Variants in GRIK4 observed in about 807,000 individuals in gnomAD.
GRIK4 encodes the protein glutamate ionotropic receptor kainate type subunit 4.
Under a neutral mutation model 104.9 loss-of-function variants are expected in GRIK4, and 40 were observed. That is an observed-to-expected ratio of 0.38 (90% confidence interval 0.30 to 0.50). The LOEUF (loss-of-function observed/expected upper bound fraction) is 0.50. Among genes scored for constraint, GRIK4 ranks in the 20% least tolerant of loss-of-function variants. GRIK4 has a pLI of 0.93. For synonymous variants in GRIK4, 485 were observed against 524.9 expected, an observed-to-expected ratio of 0.92 and a Z score of 1.04; for missense variants, 1,047 against 1,308.1, an observed-to-expected ratio of 0.80 and a Z score of 3.08.
At chr11:120,847,463 C>G (rs1953877640) in intron 8 of GRIK4, among the ~76,000 whole-genome samples, 1 of 152,178 alleles carries the variant, frequency 6.6e-6, no homozygotes, top group Non-Finnish European at 1.5e-5. Flanking sequence ...ACTAGCCTGG[C>G]AGGTTCATCA....
At position 120,947,532 on chromosome 11, in the gene GRIK4, C is replaced by A. The variant is rs568092309; in HGVS notation, c.1591-5323C>A. On this transcript the variant is annotated intron_variant, in intron 14 of 20. Transcript: ENST00000527524. The stretch of plus-strand genomic sequence containing the variant: ...AAAGACTGTCTAGGAAAATGGAGAA[C>A]AATGCTAAGTAAACCAGTGAATCAT... Among the ~76,000 whole-genome samples, 5 of 152,134 alleles carry A rather than the reference C, an allele frequency of 3.3e-5. No individual in the cohort carries two copies. The East Asian group carries it at 9.6e-4, about 29-fold the overall frequency.
At chr11:120,710,620 C>T (rs570025042) in intron 3 of GRIK4, among the ~76,000 whole-genome samples, 12 of 152,228 alleles carry the variant, frequency 7.9e-5, no homozygotes, top group Admixed American at 4.6e-4. Flanking sequence ...ATGCGCCCTG[C>T]GGTTTTTCTG....
At chr11:120,694,713 C>T (rs1230401096) in intron 3 of GRIK4, among the ~76,000 whole-genome samples, 1 of 152,192 alleles carries the variant, frequency 6.6e-6, no homozygotes, top group East Asian at 1.9e-4. Context: ...TCCTGGGATG[C>T]AGCAGAGCTC....
intron 11 of GRIK4, among the ~76,000 whole-genome samples, chr11:120,879,818 A>G (rs762362983): frequency 4.6e-5 from 7 of 152,130 alleles, no homozygotes; most frequent in Non-Finnish European, 1.0e-4. Context: ...TTTTCATGAC[A>G]CGGAAGATGG....
At chr11:120,683,963 G>A (rs1376580962) in intron 3 of GRIK4, among the ~76,000 whole-genome samples, 3 of 152,230 alleles carry the variant, frequency 2.0e-5, no homozygotes, top group Admixed American at 2.0e-4. Flanking sequence ...TTGCAAATAA[G>A]TACAGAACTT....
chr11:120,601,493 CA>C lies in GRIK4; in HGVS notation c.-158-52191del, dbSNP rs143529622. Among the ~76,000 whole-genome samples the C allele has an allele frequency of 4.1e-3, 624 of 152,156 alleles. 2 individuals carry two copies. The highest frequency in any genetic ancestry group is 0.014 in the African/African-American group (600 of 41,510). On this transcript the variant is annotated intron_variant, in intron 1 of 20. Transcript: ENST00000527524. ...ACTTGATGATTCAATTCACATAGCA[CA>C]TTAGTGGCTGTTTGTTTAAAGATCA...
chr11:120,923,474 G>A (rs530718550), intron 13 of GRIK4, among the ~76,000 whole-genome samples: 2 of 143,434 alleles, frequency 1.4e-5, no homozygotes, highest in South Asian at 2.3e-4. Context: ...GTGCAGTGGC[G>A]CGATCTCGGC....
chr11:120,631,225 G>C (rs1949329071), intron 1 of GRIK4, among the ~76,000 whole-genome samples: 1 of 152,228 alleles, frequency 6.6e-6, no homozygotes, highest in African/African-American at 2.4e-5. Context: ...GTATCTCCTA[G>C]TTCTGACAGT....
chr11:120,747,964 G>A lies in GRIK4; in HGVS notation c.83-54729G>A, dbSNP rs151136525. Among the ~76,000 whole-genome samples the A allele has an allele frequency of 3.9e-5, 6 of 152,324 alleles. No individual in the cohort carries two copies. In the East Asian group the frequency reaches 1.2e-3, roughly 29 times the overall value. The stretch of plus-strand genomic sequence containing the variant: ...GTAAACTTGACTATTTATAACCCAA[G>A]CCCATGATCCAGCAACTAAGTGGTT... On this transcript the variant is annotated intron_variant, in intron 3 of 20. Transcript: ENST00000527524.
At chr11:120,546,962 C>T (rs1002318453) in intron 1 of GRIK4, among the ~76,000 whole-genome samples, 20 of 152,216 alleles carry the variant, frequency 1.3e-4, no homozygotes, top group Non-Finnish European at 1.6e-4. Flanking sequence ...ACAGCAAGGT[C>T]GGGGGGTTGG....
In GRIK4 at chr11:120,672,106, G is replaced by A. The variant is rs1447055361; in HGVS notation, c.82+11706G>A. Among the ~76,000 whole-genome samples the A allele has an allele frequency of 2.6e-5, 4 of 152,090 alleles. No individual in the cohort carries two copies. The East Asian group carries it at 7.7e-4, about 29-fold the overall frequency. ...TTGCTTAGGATCGTCTTGGCTATAC[G>A]GGCTCTTTTTTGGTTCCATATGAAA... On this transcript the variant is annotated intron_variant, in intron 3 of 20. Transcript: ENST00000527524.
intron 1 of GRIK4, chr11:120,514,945 A>C (rs1220761376): frequency 2.2e-6 from 1 of 456,218 alleles, no homozygotes; most frequent in Non-Finnish European, 4.4e-6. Context: ...CTCCAGCCTC[A>C]GTTTCCAGCC....
chr11:120,662,778 C>T (rs923439169), intron 3 of GRIK4, among the ~76,000 whole-genome samples: 2 of 152,140 alleles, frequency 1.3e-5, no homozygotes, highest in African/African-American at 4.8e-5. Context: ...GGGTGGCTCT[C>T]TGAATGGGGC....
At chr11:120,553,800 C>G (rs1435901191) in intron 1 of GRIK4, among the ~76,000 whole-genome samples, 1 of 152,160 alleles carries the variant, frequency 6.6e-6, no homozygotes, top group Non-Finnish European at 1.5e-5. Context: ...AATTGCCTGC[C>G]TGTATGTCAC....
chr11:120,784,964 A>C (rs1952234314), intron 3 of GRIK4, among the ~76,000 whole-genome samples: 1 of 152,152 alleles, frequency 6.6e-6, no homozygotes, highest in Non-Finnish European at 1.5e-5. Context: ...CCGGACAATG[A>C]AGCTGATCTG....
intron 3 of GRIK4, among the ~76,000 whole-genome samples, chr11:120,802,484 T>A (rs1330855213): frequency 6.6e-6 from 1 of 152,084 alleles, no homozygotes; most frequent in Non-Finnish European, 1.5e-5. Context: ...GCATCCACAT[T>A]AGAATTCACT....
intron 20 of GRIK4, 46 bp downstream of exon 20, chr11:120,982,270 G>T: frequency 1.0e-6 from 1 of 995,828 alleles, no homozygotes; most frequent in South Asian, 1.3e-5. Context: ...CAGATGGGGT[G>T]AAGTTCACAG....
chr11:120,772,699 G>A (rs1951970640), intron 3 of GRIK4, among the ~76,000 whole-genome samples: 1 of 151,766 alleles, frequency 6.6e-6, no homozygotes, highest in South Asian at 2.1e-4. Context: ...GTGGGGAGAA[G>A]GAGAGAAGGG....
chr11:120,518,861 C>T (rs117153017), intron 1 of GRIK4, among the ~76,000 whole-genome samples: 1,687 of 152,284 alleles, frequency 0.011, 46 homozygotes, highest in East Asian at 0.063. Context: ...TCAGGTGATC[C>T]GCCGGCCTCA....
Sources: allele counts gnomAD v4.1 joint callset (sites outside exome capture counted in the v4.1 genomes callset), GRCh38; gene constraint gnomAD v4.1.1; transcripts MANE v1.5; gene names NCBI Gene and HGNC (gene_info 2026-07-23, HGNC 2026-07-21).